The following PARD3 variants were observed in gnomAD, a reference collection of about 807,000 sequenced individuals.
PARD3 encodes par-3 family cell polarity regulator, also known as partitioning defective 3 homolog.
Under a neutral mutation model 155.4 loss-of-function variants are expected in PARD3, and 75 were observed. The ratio of observed to expected loss-of-function variants is 0.48; its 90% CI spans 0.40 to 0.58. The LOEUF (loss-of-function observed/expected upper bound fraction) is 0.58. PARD3 is among the 20% of genes least tolerant of loss of function. The probability of loss-of-function intolerance (pLI) is 0.00; values close to 1 mark genes in which losing one functional copy is unlikely to be tolerated. For synonymous variants in PARD3, 576 were observed against 610.5 expected, an observed-to-expected ratio of 0.94 and a Z score of 0.83; for missense variants, 1,642 against 1,721.7, an observed-to-expected ratio of 0.95 and a Z score of 0.82.
chr10:34,255,114 CTAA>C (rs1157037414), intron 22 of PARD3, among the ~76,000 whole-genome samples: 1 of 151,946 alleles, frequency 6.6e-6, no homozygotes, highest in African/African-American at 2.4e-5. Context: ...CAACCAAATT[CTAA>C]TAATTTACGA....
chr10:34,395,085 A>G (rs1190882907), intron 7 of PARD3, among the ~76,000 whole-genome samples: 1 of 152,144 alleles, frequency 6.6e-6, no homozygotes, highest in Non-Finnish European at 1.5e-5. Flanking sequence ...CCTAGGCTGG[A>G]GTGCAGTGGC....
chr10:34,595,549 T>C (rs2089172332), intron 2 of PARD3, among the ~76,000 whole-genome samples: 1 of 152,348 alleles, frequency 6.6e-6, no homozygotes, highest in Non-Finnish European at 1.5e-5. Context: ...AGTGACACTC[T>C]ACATGCCAAT....
chr10:34,433,272 T>C (rs1027552212), intron 5 of PARD3, among the ~76,000 whole-genome samples: 6 of 152,178 alleles, frequency 3.9e-5, no homozygotes, highest in African/African-American at 1.4e-4. Flanking sequence ...GTCATTATAT[T>C]GAGCCACAGA....
chr10:34,549,526 G>A (rs1055907077), intron 2 of PARD3, among the ~76,000 whole-genome samples: 1 of 152,076 alleles, frequency 6.6e-6, no homozygotes, highest in Non-Finnish European at 1.5e-5. Context: ...TGATTCCATT[G>A]AGATTCTGCA....
chr10:34,743,759 A>G (rs1168290472), intron 1 of PARD3, among the ~76,000 whole-genome samples: 1 of 152,190 alleles, frequency 6.6e-6, no homozygotes, highest in Admixed American at 6.5e-5. Context: ...GCTGTCTAAA[A>G]TCAATGCCAA....
chr10:34,639,384 TA>T (rs75063805), intron 2 of PARD3, among the ~76,000 whole-genome samples: 2,075 of 145,716 alleles, frequency 0.014, 59 homozygotes, highest in African/African-American at 0.049. Context: ...AAAATAAAAG[TA>T]AAAAAAAAAT....
At chr10:34,117,811 TAAGGC>T (rs1946767205) in intron 24 of PARD3, among the ~76,000 whole-genome samples, 1 of 152,194 alleles carries the variant, frequency 6.6e-6, no homozygotes, top group Non-Finnish European at 1.5e-5. Flanking sequence ...TTTGGGAGGC[TAAGGC>T]ATGAGAATTG....
intron 5 of PARD3, among the ~76,000 whole-genome samples, chr10:34,432,360 A>G (rs944419565): frequency 6.7e-6 from 1 of 149,178 alleles, no homozygotes; most frequent in African/African-American, 2.6e-5. Context: ...ACACACACAC[A>G]CACACACACA....
chr10:34,325,096 G>A (rs1411111346), intron 19 of PARD3, among the ~76,000 whole-genome samples: 2 of 151,872 alleles, frequency 1.3e-5, no homozygotes, highest in African/African-American at 2.4e-5. Context: ...TGCAACCTCC[G>A]CCTCCCGGGT....
intron 18 of PARD3, among the ~76,000 whole-genome samples, chr10:34,332,797 G>C (rs1434960109): frequency 6.6e-6 from 1 of 152,156 alleles, no homozygotes; most frequent in Non-Finnish European, 1.5e-5. Flanking sequence ...AAAAGTTCAT[G>C]AGATTTATTT....
chr10:34,448,918 CTT>C (rs751029992), intron 5 of PARD3, among the ~76,000 whole-genome samples: 25 of 133,724 alleles, frequency 1.9e-4, no homozygotes, highest in Admixed American at 2.2e-4. Flanking sequence ...GATAAATTAT[CTT>C]TTTTTTTTTT....
intron 1 of PARD3, among the ~76,000 whole-genome samples, chr10:34,705,029 A>C (rs1273066374): frequency 6.6e-6 from 1 of 152,212 alleles, no homozygotes; most frequent in Admixed American, 6.5e-5. Context: ...GTAACTCTCC[A>C]ATTTATTTAA....
At chr10:34,631,450 G>A (rs911099218) in intron 2 of PARD3, among the ~76,000 whole-genome samples, 1 of 152,128 alleles carries the variant, frequency 6.6e-6, no homozygotes, top group African/African-American at 2.4e-5. Flanking sequence ...TGAGAGCCTC[G>A]TTTCTCATTT....
intron 1 of PARD3, among the ~76,000 whole-genome samples, chr10:34,703,892 T>C (rs941770193): frequency 1.3e-5 from 2 of 152,138 alleles, no homozygotes; most frequent in Admixed American, 1.3e-4. Flanking sequence ...CGGTAAAGTA[T>C]GAAGGTAGAA....
intron 22 of PARD3, among the ~76,000 whole-genome samples, chr10:34,181,019 G>C (rs1027883026): frequency 3.3e-5 from 5 of 152,172 alleles, no homozygotes; most frequent in Admixed American, 6.5e-5. Flanking sequence ...TGTGTGTCCT[G>C]AGGTGAGCTA....
chr10:34,801,119 C>T (rs1222709774), intron 1 of PARD3, among the ~76,000 whole-genome samples: 3 of 152,154 alleles, frequency 2.0e-5, no homozygotes, highest in Non-Finnish European at 4.4e-5. Flanking sequence ...TAGCAAAGCA[C>T]AAAAACAAAG....
At chr10:34,715,076 CTTTT>C (rs35205452) in intron 1 of PARD3, among the ~76,000 whole-genome samples, 3 of 136,724 alleles carry the variant, frequency 2.2e-5, no homozygotes, top group Non-Finnish European at 4.7e-5. Flanking sequence ...CTAGCCTAAC[CTTTT>C]TTTTTTTTTT....
At chr10:34,661,287 C>T (rs1166404473) in intron 2 of PARD3, among the ~76,000 whole-genome samples, 1 of 152,174 alleles carries the variant, frequency 6.6e-6, no homozygotes, top group Non-Finnish European at 1.5e-5. Flanking sequence ...ACAAAGCTAA[C>T]TCATCTATAA....
intron 15 of PARD3, among the ~76,000 whole-genome samples, chr10:34,343,088 T>C (rs1837009256): frequency 1.3e-5 from 2 of 152,190 alleles, no homozygotes; most frequent in Admixed American, 6.6e-5. Context: ...CATTCATCAA[T>C]AAGGTGGGAC....
Sources: gnomAD v4.1 joint callset for allele counts (sites outside exome capture counted in the v4.1 genomes callset) on GRCh38, gnomAD v4.1.1 for gene constraint, MANE v1.5 for transcripts, NCBI Gene and HGNC (gene_info 2026-07-23, HGNC 2026-07-21) for gene names.